CHD9: variants seen among roughly 807,000 people sequenced by gnomAD.
CHD9 encodes the protein ATP-dependent chromatin remodeler CHD9.
Under a neutral mutation model 316.1 loss-of-function variants are expected in CHD9, and 77 were observed. That is an observed-to-expected ratio of 0.24 (90% CI 0.20 to 0.29). The LOEUF is 0.29. CHD9 is among the 10% of genes least tolerant of loss of function. The probability of loss-of-function intolerance (pLI) is 1.00; values close to 1 mark genes in which losing one functional copy is unlikely to be tolerated. For missense variants in CHD9, 2,763 were observed against 3,438.1 expected, an observed-to-expected ratio of 0.80 and a Z score of 4.91; for synonymous variants, 1,129 against 1,158.3, an observed-to-expected ratio of 0.97 and a Z score of 0.51.
At chr16:53,070,971 A>G (rs2033996093) in intron 1 of CHD9, among the ~76,000 whole-genome samples, 1 of 152,050 alleles carries the variant, frequency 6.6e-6, no homozygotes, top group South Asian at 2.1e-4. Context: ...TATTTTGGCT[A>G]TTTGGGGTCC....
chr16:53,114,893 A>AT (rs2038172894), intron 1 of CHD9, among the ~76,000 whole-genome samples: 2 of 151,898 alleles, frequency 1.3e-5, no homozygotes, highest in East Asian at 3.9e-4. Context: ...GGCCAGCATT[A>AT]TTTTTTTATT....
intron 24 of CHD9, 66 bp from the exon 25 acceptor site, chr16:53,285,529 TA>T: frequency 1.2e-6 from 1 of 864,446 alleles, no homozygotes; most frequent in Non-Finnish European, 1.8e-6. Context: ...AAAAGCTAGG[TA>T]AAATTTTGCC....
chr16:53,296,434 ATTTTTTTTTTTTT>A (rs35618799), intron 29 of CHD9, among the ~76,000 whole-genome samples: 1 of 101,764 alleles, frequency 9.8e-6, no homozygotes, highest in African/African-American at 4.1e-5. Flanking sequence ...TTAAAAGTAA[ATTTTTTTTTTTTT>A]TTTTTTTTTT....
Position 53,287,466 on chromosome 16 carries a change from G to A in CHD9, c.5190-491G>A, listed in dbSNP as rs1032180156. Among the ~76,000 whole-genome samples, 3 of 152,168 alleles carry A rather than the reference G, an allele frequency of 2.0e-5. No homozygotes were observed. In the South Asian group the frequency reaches 6.2e-4, roughly 32 times the overall value. On this transcript the variant is annotated intron_variant, in intron 26 of 38. Coordinates refer to ENST00000447540, the MANE Select transcript of CHD9 (RefSeq NM_001308319.2). ...CTCGCGGCTGGATGCACTTGCTCAC[G>A]CCTGTAATCCCAGCACTTTGGGAGG...
chr16:53,273,776 A>C lies in CHD9; in HGVS notation c.4868A>C (p.His1623Pro). The C allele has an allele frequency of 6.2e-7, 1 of 1,611,082 alleles. No homozygotes were observed. ...GGCTACAAAAAACATATAAAACACC[A>C]CTGTAATAAGTAGGTATAGGGTATT... Reference protein sequence around the residue: ...DEGYKKHIKHHCNKVLLRVRM... With the variant: ...DEGYKKHIKHPCNKVLLRVRM... The change falls in exon 23 of 39, where the codon CAC (histidine) becomes CCC (proline). Residue 1623 changes from histidine (H) to proline (P), a missense_variant. His to Pro is a moderately conservative substitution (Grantham distance 77). Around this residue, in one of 15 missense-constraint regions of CHD9, gnomAD observed 7 missense variants for 26.4 expected, o/e 0.27. Coordinates refer to ENST00000447540, the MANE Select transcript of CHD9 (RefSeq NM_001308319.2).
intron 2 of CHD9, among the ~76,000 whole-genome samples, chr16:53,196,347 C>T (rs1195160674): frequency 6.6e-6 from 1 of 152,154 alleles, no homozygotes; most frequent in African/African-American, 2.4e-5. Flanking sequence ...ATGTCCCATC[C>T]CTAACCTTTG....
At chr16:53,269,143 G>T (rs1035944050) in intron 22 of CHD9, among the ~76,000 whole-genome samples, 1 of 152,112 alleles carries the variant, frequency 6.6e-6, no homozygotes, top group Admixed American at 6.5e-5. Flanking sequence ...TGTCCAAAAT[G>T]GTTATGCCAA....
intron 15 of CHD9, among the ~76,000 whole-genome samples, chr16:53,246,829 T>A (rs1331472598): frequency 6.6e-6 from 1 of 152,120 alleles, no homozygotes; most frequent in Non-Finnish European, 1.5e-5. Context: ...TAGCCTTAAT[T>A]TTTTCTTGTT....
intron 24 of CHD9, among the ~76,000 whole-genome samples, chr16:53,284,843 G>C (rs1368693686): frequency 6.6e-6 from 1 of 152,144 alleles, no homozygotes; most frequent in Non-Finnish European, 1.5e-5. Context: ...TTGGTTTGCT[G>C]TCACCCCAAC....
At chr16:53,248,701 G>C (rs2049883382) in intron 16 of CHD9, among the ~76,000 whole-genome samples, 1 of 150,554 alleles carries the variant, frequency 6.6e-6, no homozygotes, top group Admixed American at 6.6e-5. Flanking sequence ...AATTTATTTT[G>C]GGTAGAGACA....
At chr16:53,138,688 A>G (rs77145755) in intron 1 of CHD9, among the ~76,000 whole-genome samples, 1 of 152,346 alleles carries the variant, frequency 6.6e-6, no homozygotes, top group East Asian at 1.9e-4. Flanking sequence ...GTTAGTGATG[A>G]TAACTTTTTT....
intron 2 of CHD9, among the ~76,000 whole-genome samples, chr16:53,199,450 T>C (rs572960685): frequency 6.6e-6 from 1 of 152,316 alleles, no homozygotes; most frequent in East Asian, 1.9e-4. Context: ...CTTAAAGTCA[T>C]GTTTTAAATT....
chr16:53,269,119 A>G (rs951597194), intron 22 of CHD9, among the ~76,000 whole-genome samples: 3 of 152,058 alleles, frequency 2.0e-5, no homozygotes, highest in Admixed American at 2.0e-4. Context: ...AATTTTCATT[A>G]TACTTTAATT....
intron 2 of CHD9, among the ~76,000 whole-genome samples, chr16:53,185,605 G>T (rs745635991): frequency 6.6e-6 from 1 of 152,194 alleles, no homozygotes; most frequent in Non-Finnish European, 1.5e-5. Context: ...AAGACAATGG[G>T]GCAAGTGTCT....
intron 16 of CHD9, chr16:53,247,715 T>A (rs1051784358): frequency 1.9e-5 from 8 of 419,340 alleles, no homozygotes; most frequent in African/African-American, 1.6e-4. Context: ...AGGAGTCCAA[T>A]TAAGAAAAGC....
At chr16:53,124,657 TTAG>T (rs2152663465) in intron 1 of CHD9, among the ~76,000 whole-genome samples, 1 of 152,034 alleles carries the variant, frequency 6.6e-6, no homozygotes, top group East Asian at 1.9e-4. Context: ...TTTTGTATTT[TTAG>T]TAGAGATGGG....
intron 1 of CHD9, among the ~76,000 whole-genome samples, chr16:53,132,764 T>C (rs2039417655): frequency 6.6e-6 from 1 of 151,480 alleles, no homozygotes; most frequent in Non-Finnish European, 1.5e-5. Flanking sequence ...TTATGTATCT[T>C]CGAAGACTTT....
chr16:53,237,327 T>C (rs1567535731), intron 11 of CHD9, among the ~76,000 whole-genome samples: 1 of 152,150 alleles, frequency 6.6e-6, no homozygotes, highest in East Asian at 1.9e-4. Flanking sequence ...CTGCACTTAA[T>C]GGTACTTTCT....
intron 1 of CHD9, among the ~76,000 whole-genome samples, chr16:53,132,685 G>C (rs1456502159): frequency 6.6e-6 from 1 of 151,908 alleles, no homozygotes; most frequent in Non-Finnish European, 1.5e-5. Flanking sequence ...GCCACATGGA[G>C]CCTTACGTTC....
Sources: allele counts gnomAD v4.1 joint callset (sites outside exome capture counted in the v4.1 genomes callset), GRCh38; gene constraint gnomAD v4.1.1; regional missense constraint gnomAD v4.1.1; transcripts MANE v1.5; gene names NCBI Gene and HGNC (gene_info 2026-07-23, HGNC 2026-07-21).